COPG2: variants seen among roughly 807,000 people sequenced by gnomAD.
COPG2 encodes coatomer subunit gamma-2.
Under a neutral mutation model 46.3 loss-of-function variants are expected in COPG2, and 37 were observed. The observed-to-expected ratio is 0.80, with a 90% CI of 0.61 to 1.05. COPG2 has a LOEUF of 1.05. Among genes scored for constraint, COPG2 ranks in the 50% least tolerant of loss-of-function variants. The pLI is 0.00. For synonymous variants in COPG2, 159 were observed against 129.7 expected, an observed-to-expected ratio of 1.23 and a Z score of -1.53; for missense variants, 427 against 387.8, an observed-to-expected ratio of 1.10 and a Z score of -0.85.
intron 20 of COPG2, among the ~76,000 whole-genome samples, chr7:130,523,842 A>AAGGAGGG (rs1444608570): frequency 6.6e-6 from 1 of 151,984 alleles, no homozygotes; most frequent in Non-Finnish European, 1.5e-5. Flanking sequence ...CATCGGTGCT[A>AAGGAGGG]AGGAGGGAGG....
At chr7:130,646,743 T>C (rs1424920668) in intron 5 of COPG2, among the ~76,000 whole-genome samples, 2 of 151,860 alleles carry the variant, frequency 1.3e-5, no homozygotes, top group Admixed American at 6.6e-5. Flanking sequence ...GATAGTTTTA[T>C]AAATGGCAGT....
chr7:130,603,864 C>T (rs374881458), intron 9 of COPG2: 24 of 519,122 alleles, frequency 4.6e-5, no homozygotes, highest in African/African-American at 3.8e-4. Flanking sequence ...ACTTTTGACT[C>T]CCCCAAAATA....
At chr7:130,663,975 G>A (rs976505663) in intron 3 of COPG2, among the ~76,000 whole-genome samples, 1 of 151,824 alleles carries the variant, frequency 6.6e-6, no homozygotes, top group East Asian at 1.9e-4. Flanking sequence ...TCCTGACCTC[G>A]TGATCCACCT....
rs566164819 is a variant in COPG2 at position 130,655,776 on chromosome 7, T to G, written c.244-2828A>C. Among the ~76,000 whole-genome samples the G allele has an allele frequency of 1.2e-4, 19 of 152,338 alleles. No homozygotes were observed. The South Asian group carries it at 3.5e-3, about 28-fold the overall frequency. On this transcript the variant is annotated intron_variant, in intron 4 of 23. Transcript: ENST00000425248. Reference sequence around the variant, plus strand: ...CTTCAGATCACAGTCCTGGGATGCCTATTATCCAATATCTGAAAACTGTTA... The same window carrying G: ...CTTCAGATCACAGTCCTGGGATGCCGATTATCCAATATCTGAAAACTGTTA...
intron 9 of COPG2, among the ~76,000 whole-genome samples, chr7:130,577,805 C>A (rs1272000416): frequency 6.6e-6 from 1 of 150,996 alleles, no homozygotes; most frequent in African/African-American, 2.4e-5. Flanking sequence ...AAAAAAACAG[C>A]CCACCACGAG....
At position 130,612,164 on chromosome 7, in the gene COPG2, A is replaced by G; in HGVS notation, c.567T>C (p.Asn189=). 1 of 1,609,356 alleles carries G rather than the reference A, an allele frequency of 6.2e-7. No individual in the cohort carries two copies. The highest frequency in any genetic ancestry group is 2.2e-5 in the East Asian group (1 of 44,806). ...TCAATGACAATACCTGGACCATAAT[A>G]TTATCACTTGATGCAGCTTCTTGGG... The part of the protein sequence containing the change: ...NEAQEAASSD[N]IMVQYHALGV... The change falls in exon 8 of 24, where the codon AAT becomes AAC. Residue 189 remains asparagine, a synonymous_variant. Transcript: ENST00000425248.
In COPG2 at chr7:130,633,624, T is replaced by C. The variant is rs536290658; in HGVS notation, c.324-16559A>G. The stretch of plus-strand genomic sequence containing the variant: ...TTGGTAGATTCTAGATATCAGCCCT[T>C]TGTCAGATGGATAGACTGCAAAAAT... On this transcript the variant is annotated intron_variant, in intron 5 of 23. Transcript: ENST00000425248. 2.3e-4 allele frequency among the ~76,000 whole-genome samples: 35 copies of C among 152,326 alleles called. 1 individual carries two copies. The South Asian group carries it at 6.2e-3, about 27-fold the overall frequency.
intron 9 of COPG2, among the ~76,000 whole-genome samples, chr7:130,598,090 T>G (rs781820324): frequency 2.0e-5 from 3 of 151,958 alleles, no homozygotes; most frequent in Non-Finnish European, 2.9e-5. Flanking sequence ...CCGCTTCTAG[T>G]GTAGGAAGCT....
rs1371414036 is a variant in COPG2 at position 130,615,309 on chromosome 7, T to A, written c.400-1673A>T. ...GGAAATCTTATCTGGGAAGATCAAT[T>A]ATAATCAGAAAGTTATATGAGGAGT... On this transcript the variant is annotated intron_variant, in intron 6 of 23. Coordinates refer to ENST00000425248, the MANE Select transcript of COPG2 (RefSeq NM_012133.6). Among the ~76,000 whole-genome samples, 5 of 152,216 alleles carry A rather than the reference T, an allele frequency of 3.3e-5. No homozygotes were observed. In the East Asian group the frequency reaches 9.6e-4, roughly 29 times the overall value.
chr7:130,513,325 A>G (rs1316597417), intron 20 of COPG2, among the ~76,000 whole-genome samples: 18 of 50,600 alleles, frequency 3.6e-4, no homozygotes, highest in African/African-American at 1.2e-3. Context: ...ATATATATAT[A>G]TATATATATA....
Position 130,668,706 on chromosome 7 carries a change from G to A in COPG2, c.-38C>T, listed in dbSNP as rs782671602. 2.6e-6 allele frequency: 4 copies of A among 1,514,124 alleles called. No individual in the cohort carries two copies. Among genetic ancestry groups the A allele is most frequent in the East Asian group, 5.7e-5 (2 of 35,160 alleles). The allele number at this position is 1,514,124 out of a possible 1,614,324, so 93.8% of individuals were successfully genotyped here. A position where few individuals can be genotyped will look rare whatever the true frequency, so the allele number is the denominator to read the frequency against. On this transcript the variant is annotated 5_prime_UTR_variant, in exon 1 of 24. The change creates a new upstream start codon in the 5' untranslated region. Transcript: ENST00000425248. ...CCCAGCGCCCAGACCCACCGCAACC[G>A]TCCCAGGCGCCGCAGCCGGCGAGCG...
At chr7:130,578,131 C>T (rs1327173332) in intron 9 of COPG2, among the ~76,000 whole-genome samples, 33 of 151,560 alleles carry the variant, frequency 2.2e-4, no homozygotes, top group Admixed American at 6.6e-4. Context: ...GTGGTTCTCC[C>T]AGCACGCAGC....
intron 20 of COPG2, among the ~76,000 whole-genome samples, chr7:130,518,976 A>C (rs945272510): frequency 6.9e-6 from 1 of 145,012 alleles, no homozygotes; most frequent in Non-Finnish European, 1.5e-5. Flanking sequence ...ACTGCACTCC[A>C]GCCTGGGCAA....
At chr7:130,548,867 G>A (rs979502232) in intron 18 of COPG2, among the ~76,000 whole-genome samples, 2 of 151,792 alleles carry the variant, frequency 1.3e-5, no homozygotes, top group African/African-American at 2.4e-5. Context: ...GCAGCGAGCC[G>A]GTATTGTGCC....
At chr7:130,553,072 T>C (rs1387217885) in intron 14 of COPG2, among the ~76,000 whole-genome samples, 2 of 152,160 alleles carry the variant, frequency 1.3e-5, no homozygotes, top group Non-Finnish European at 2.9e-5. Context: ...GAAGACCAAG[T>C]ACTGTTAGCC....
intron 8 of COPG2, 75 bp from the exon 9 acceptor site, chr7:130,611,185 CG>C: frequency 7.4e-7 from 1 of 1,349,124 alleles, no homozygotes; most frequent in East Asian, 2.3e-5. Flanking sequence ...TAGAATTACA[CG>C]GAACTAGATT....
intron 5 of COPG2, among the ~76,000 whole-genome samples, chr7:130,629,483 C>T (rs1795186796): frequency 1.3e-5 from 2 of 150,128 alleles, no homozygotes; most frequent in South Asian, 2.1e-4. Flanking sequence ...CAACCTCTGC[C>T]TCCCGGGTTC....
chr7:130,621,991 T>C (rs1028071107), intron 5 of COPG2, among the ~76,000 whole-genome samples: 1 of 150,636 alleles, frequency 6.6e-6, no homozygotes, highest in Admixed American at 6.6e-5. Context: ...TTTATTTACA[T>C]GGTTTTGGCC....
At chr7:130,559,697 C>T (rs1390656613) in intron 12 of COPG2, among the ~76,000 whole-genome samples, 1 of 152,106 alleles carries the variant, frequency 6.6e-6, no homozygotes, top group African/African-American at 2.4e-5. Context: ...ATCTTAATAA[C>T]AAATACACGT....
Sources: gnomAD v4.1 joint callset for allele counts (sites outside exome capture counted in the v4.1 genomes callset) on GRCh38, gnomAD v4.1.1 for gene constraint, MANE v1.5 for transcripts, NCBI Gene and HGNC (gene_info 2026-07-23, HGNC 2026-07-21) for gene names.